Variants in MRPS31 observed in about 807,000 individuals in gnomAD.
MRPS31 encodes the protein small ribosomal subunit protein mS31.
A neutral mutation model predicts 43.1 loss-of-function variants in MRPS31; 32 were observed. That is an observed-to-expected ratio of 0.74 (90% confidence interval 0.56 to 1.00). The LOEUF (loss-of-function observed/expected upper bound fraction) is 1.00, where lower values mean the gene tolerates loss of function less well. Among genes scored for constraint, MRPS31 ranks in the 50% least tolerant of loss-of-function variants. The pLI, the probability that MRPS31 is intolerant of heterozygous loss-of-function variation, is 0.00. For synonymous variants in MRPS31, 165 were observed against 161.6 expected, an observed-to-expected ratio of 1.02 and a Z score of -0.16; for missense variants, 437 against 466.7, an observed-to-expected ratio of 0.94 and a Z score of 0.59.
chr13:40,754,100 C>CA lies in MRPS31; in HGVS notation c.741-9dup. 5 of 1,463,518 alleles carry CA rather than the reference C, an allele frequency of 3.4e-6. No individual in the cohort carries two copies. Among genetic ancestry groups the CA allele is most frequent in the South Asian group, 2.4e-5 (2 of 82,116 alleles). The allele number at this position is 1,463,518 out of a possible 1,614,324, so 90.7% of individuals were successfully genotyped here. ...CCTGTGAATATATTTTTCCTAAGTC[C>CA]AAAAAAAGAAAATAACATTTTAATG... On this transcript the variant is annotated splice_polypyrimidine_tract_variant and intron_variant, in intron 4 of 6. Transcript: ENST00000323563.
intron 1 of MRPS31, chr13:40,770,740 T>C (rs1005180918): frequency 4.2e-6 from 2 of 476,570 alleles, no homozygotes; most frequent in Non-Finnish European, 7.6e-6. Flanking sequence ...AAAACCTGGG[T>C]AAACTGACAG....
rs1879591307 is a variant in MRPS31 at position 40,729,296 on chromosome 13, T to C, written c.*76A>G. 8 of 768,428 alleles carry C rather than the reference T, an allele frequency of 1.0e-5. No individual in the cohort carries two copies. Among genetic ancestry groups the C allele is most frequent in the Admixed American group, 5.6e-5 (2 of 35,608 alleles). The allele number at this position is 768,428 out of a possible 1,614,324, so 47.6% of individuals were successfully genotyped here. A position where few individuals can be genotyped will look rare whatever the true frequency, so the allele number is the denominator to read the frequency against. On this transcript the variant is annotated 3_prime_UTR_variant, in exon 7 of 7. Coordinates refer to ENST00000323563, the MANE Select transcript of MRPS31 (RefSeq NM_005830.4). ...CAAATGTAATAATCAACATAACATA[T>C]ACAAACTCTAGTAAAATTATTTTAT...
chr13:40,747,583 A>G (rs1250527666), intron 6 of MRPS31, among the ~76,000 whole-genome samples: 1 of 152,202 alleles, frequency 6.6e-6, no homozygotes, highest in Non-Finnish European at 1.5e-5. Context: ...TGCAGGTACT[A>G]TATGAATATA....
intron 6 of MRPS31, among the ~76,000 whole-genome samples, chr13:40,748,218 C>T (rs1880292962): frequency 6.6e-6 from 1 of 152,146 alleles, no homozygotes; most frequent in South Asian, 2.1e-4. Context: ...AGTGCAATAG[C>T]GTGATCTCGG....
intron 2 of MRPS31, among the ~76,000 whole-genome samples, chr13:40,764,220 T>C (rs1880780734): frequency 6.6e-6 from 1 of 152,212 alleles, no homozygotes; most frequent in African/African-American, 2.4e-5. Context: ...GGAACAGCTC[T>C]GGCCCCCACC....
Position 40,770,968 on chromosome 13 carries a change from G to A in MRPS31, c.152+17C>T, listed in dbSNP as rs1171972932. On this transcript the variant is annotated intron_variant, in intron 1 of 6. Coordinates refer to ENST00000323563, the MANE Select transcript of MRPS31 (RefSeq NM_005830.4). ...GAGGATGTACAGGACGGGGCACGGG[G>A]TTGCCTGAGGACCTACCGGGCCAAC... 2 of 1,613,956 alleles carry A rather than the reference G, an allele frequency of 1.2e-6. No homozygotes were observed. The highest frequency in any genetic ancestry group is 1.3e-5 in the African/African-American group (1 of 74,904).
At chr13:40,769,914 T>A (rs1033686961) in intron 1 of MRPS31, among the ~76,000 whole-genome samples, 2 of 152,226 alleles carry the variant, frequency 1.3e-5, no homozygotes, top group Admixed American at 1.3e-4. Flanking sequence ...GTACTTCAAA[T>A]GCAACACCTT....
chr13:40,753,466 T>G (rs1880446907), intron 5 of MRPS31, among the ~76,000 whole-genome samples: 1 of 152,222 alleles, frequency 6.6e-6, no homozygotes, highest in Non-Finnish European at 1.5e-5. Flanking sequence ...AATGCAACAT[T>G]TCAAGGGGGA....
At chr13:40,750,638 T>A (rs1399310647) in intron 5 of MRPS31, among the ~76,000 whole-genome samples, 2 of 151,230 alleles carry the variant, frequency 1.3e-5, no homozygotes, top group Non-Finnish European at 3.0e-5. Flanking sequence ...ACATCTTTTA[T>A]CTTTCTTATT....
At chr13:40,763,610 C>G (rs567353932) in intron 2 of MRPS31, among the ~76,000 whole-genome samples, 2 of 152,226 alleles carry the variant, frequency 1.3e-5, no homozygotes, top group South Asian at 4.1e-4. Flanking sequence ...ACCTGATAAG[C>G]AGATTATACT....
chr13:40,741,383 A>G (rs1880085970), intron 6 of MRPS31, among the ~76,000 whole-genome samples: 1 of 152,242 alleles, frequency 6.6e-6, no homozygotes, highest in African/African-American at 2.4e-5. Flanking sequence ...TGCATAATAT[A>G]TTGAGTTCCT....
In MRPS31 at chr13:40,729,381, C is replaced by T. The variant is rs768429752; in HGVS notation, c.1179G>A (p.Gln393=). Residue 393 remains glutamine, a synonymous_variant, in exon 7 of 7, where the codon CAG becomes CAA. Transcript: ENST00000323563. ...KKDILKESNI[Q]FN ...AAAAATTTCCATGGTCTTAATTGAA[C>T]TGTATGTTACTTTCTTTTAGAATAT... 2.1e-6 allele frequency: 3 copies of T among 1,461,118 alleles called. No homozygotes were observed. Among genetic ancestry groups the T allele is most frequent in the Non-Finnish European group, 1.9e-6 (2 of 1,061,754 alleles). 90.5% of individuals were successfully genotyped at this position (1,461,118 alleles called of 1,614,324 possible).
intron 6 of MRPS31, among the ~76,000 whole-genome samples, chr13:40,734,880 A>G (rs539662912): frequency 3.9e-4 from 59 of 152,300 alleles, no homozygotes; most frequent in African/African-American, 1.4e-3. Flanking sequence ...TGGGTGACGG[A>G]GTGAGACCCT....
chr13:40,750,569 C>T (rs1419179041), intron 5 of MRPS31, among the ~76,000 whole-genome samples: 3 of 151,760 alleles, frequency 2.0e-5, no homozygotes, highest in African/African-American at 7.3e-5. Flanking sequence ...AAATGAATAT[C>T]AATATCTATC....
chr13:40,739,488 C>T (rs1593443255), intron 6 of MRPS31, among the ~76,000 whole-genome samples: 1 of 152,292 alleles, frequency 6.6e-6, no homozygotes, highest in East Asian at 1.9e-4. Context: ...CAAGTCAATT[C>T]TAAGCCAAAA....
rs200463959 is a variant in MRPS31 at position 40,756,484 on chromosome 13, C to CA, written c.740+388dup. ...TCTCTAAGGTATACCAACAGATAAGCACGTATTGAGATATAAAGGCTATAT... is the reference window on the plus strand; with the variant it reads ...TCTCTAAGGTATACCAACAGATAAGCAACGTATTGAGATATAAAGGCTATAT... On this transcript the variant is annotated intron_variant, in intron 4 of 6. Coordinates refer to ENST00000323563, the MANE Select transcript of MRPS31 (RefSeq NM_005830.4). Among the ~76,000 whole-genome samples, 72 of 152,246 alleles carry CA rather than the reference C, an allele frequency of 4.7e-4. 1 individual carries two copies. The East Asian group carries it at 0.013, about 28-fold the overall frequency.
chr13:40,729,701 C>A, intron 6 of MRPS31, 100 bp from the exon 7 acceptor site: 2 of 814,836 alleles, frequency 2.5e-6, no homozygotes, highest in Non-Finnish European at 3.8e-6. Context: ...CAGTTTAAGG[C>A]ATGAACTTTG....
At position 40,767,000 on chromosome 13, in the gene MRPS31, A is replaced by T. The variant is rs747954479; in HGVS notation, c.186T>A (p.Thr62=). The change falls in exon 2 of 7, where the codon ACT becomes ACA. Residue 62 remains threonine, a synonymous_variant. Coordinates refer to ENST00000323563, the MANE Select transcript of MRPS31 (RefSeq NM_005830.4). The stretch of plus-strand genomic sequence containing the variant: ...CTTTCTTGCTACAGATCACACTGTT[A>T]GTGCCAAAATATCTTTGGATGTTAT... ...TKNNIQRYFG[T]NSVICSKKDK... The T allele has an allele frequency of 6.2e-7, 1 of 1,609,490 alleles. No homozygotes were observed. The highest frequency in any genetic ancestry group is 1.1e-5 in the South Asian group (1 of 89,232).
intron 2 of MRPS31, among the ~76,000 whole-genome samples, chr13:40,761,670 A>G (rs1880698541): frequency 6.6e-6 from 1 of 152,160 alleles, no homozygotes; most frequent in Non-Finnish European, 1.5e-5. Context: ...TGTAATTAAA[A>G]CCATTTCATT....
Sources: gnomAD v4.1 joint callset for allele counts (sites outside exome capture counted in the v4.1 genomes callset) on GRCh38, gnomAD v4.1.1 for gene constraint, MANE v1.5 for transcripts, NCBI Gene and HGNC (gene_info 2026-07-23, HGNC 2026-07-21) for gene names.